SDK1: variants seen among roughly 807,000 people sequenced by gnomAD.
SDK1 encodes the protein protein sidekick-1.
Under a neutral mutation model 245.5 loss-of-function variants are expected in SDK1, and 157 were observed. The ratio of observed to expected loss-of-function variants is 0.64; its 90% confidence interval spans 0.56 to 0.73. The LOEUF is 0.73. SDK1 is among the 30% of genes least tolerant of loss of function. SDK1 has a pLI of 0.00. For missense variants in SDK1, 3,583 were observed against 3,002.3 expected (o/e 1.19, Z -4.52); for synonymous variants, 1,647 against 1,278.5 (o/e 1.29, Z -6.15).
At position 3,961,130 on chromosome 7, in the gene SDK1, G is replaced by A. The variant is rs139045717; in HGVS notation, c.1235-1527G>A. ...CAAATATAGAGACAACAGATCTTCC[G>A]ACATTGCACTGCTGTCATATAATTT... On this transcript the variant is annotated intron_variant, in intron 8 of 44. Transcript: ENST00000404826. Among the ~76,000 whole-genome samples, 45 of 152,330 alleles carry A rather than the reference G, an allele frequency of 3.0e-4. No homozygotes were observed. In the East Asian group the frequency reaches 3.1e-3, roughly 10 times the overall value.
intron 1 of SDK1, among the ~76,000 whole-genome samples, chr7:3,561,262 A>G (rs115755449): frequency 3.7e-4 from 57 of 152,274 alleles, no homozygotes; most frequent in African/African-American, 1.3e-3. Flanking sequence ...GTTGATCCCT[A>G]ACACCCTCAA....
chr7:3,441,790 C>G (rs1780204526), intron 1 of SDK1, among the ~76,000 whole-genome samples: 1 of 152,172 alleles, frequency 6.6e-6, no homozygotes, highest in African/African-American at 2.4e-5. Flanking sequence ...CTGAGTCTCT[C>G]ACATGTAAAA....
intron 5 of SDK1, among the ~76,000 whole-genome samples, chr7:3,838,984 C>G (rs890076002): frequency 9.9e-5 from 15 of 152,146 alleles, no homozygotes; most frequent in African/African-American, 3.6e-4. Flanking sequence ...CCTGTCTGCT[C>G]CCTACAAATA....
chr7:3,672,683 A>C (rs967427181), intron 4 of SDK1, among the ~76,000 whole-genome samples: 1 of 138,348 alleles, frequency 7.2e-6, no homozygotes, highest in Non-Finnish European at 1.5e-5. Flanking sequence ...ATTTGTTATT[A>C]AATAAAATTT....
intron 1 of SDK1, among the ~76,000 whole-genome samples, chr7:3,480,628 C>G (rs1360171775): frequency 2.6e-5 from 4 of 152,244 alleles, no homozygotes; most frequent in Non-Finnish European, 5.9e-5. Context: ...CTTTTAAAAG[C>G]TTCTCTTGTC....
chr7:4,102,307 G>A (rs1469018675), intron 22 of SDK1, among the ~76,000 whole-genome samples: 1 of 152,152 alleles, frequency 6.6e-6, no homozygotes, highest in African/African-American at 2.4e-5. Flanking sequence ...TGGCTGTGGT[G>A]GGCACGGGGA....
At chr7:4,140,628 G>A (rs944990512) in intron 28 of SDK1, among the ~76,000 whole-genome samples, 2 of 152,182 alleles carry the variant, frequency 1.3e-5, no homozygotes, top group African/African-American at 2.4e-5. Context: ...GCTCGATGCC[G>A]AGGGACCCCA....
intron 5 of SDK1, among the ~76,000 whole-genome samples, chr7:3,901,340 C>T (rs1317971269): frequency 1.3e-5 from 2 of 152,130 alleles, no homozygotes; most frequent in Non-Finnish European, 2.9e-5. Flanking sequence ...GCATGTGCCA[C>T]CACGCCCGGT....
intron 5 of SDK1, among the ~76,000 whole-genome samples, chr7:3,855,739 CA>C (rs1780530240): frequency 6.6e-6 from 1 of 152,076 alleles, no homozygotes; most frequent in Non-Finnish European, 1.5e-5. Context: ...GAGAAACAAA[CA>C]AAAAACTTAC....
In SDK1 at chr7:3,694,202, G is replaced by A. The variant is rs188814650; in HGVS notation, c.713+52097G>A. Among the ~76,000 whole-genome samples, 3 of 152,318 alleles carry A rather than the reference G, an allele frequency of 2.0e-5. No homozygotes were observed. The East Asian group carries it at 5.8e-4, about 29-fold the overall frequency. ...CTCCAAACTCGTATAGGAATACTAA[G>A]TTGTGCCCTGCCCACTGCATAAGAC... On this transcript the variant is annotated intron_variant, in intron 4 of 44. Coordinates refer to ENST00000404826, the MANE Select transcript of SDK1 (RefSeq NM_152744.4).
chr7:4,155,033 G>C (rs1307211564), intron 30 of SDK1, among the ~76,000 whole-genome samples: 1 of 151,984 alleles, frequency 6.6e-6, no homozygotes, highest in East Asian at 1.9e-4. Context: ...GCGCTGCAGG[G>C]AGGTGAGGCA....
chr7:3,857,338 A>G (rs950324021), intron 5 of SDK1, among the ~76,000 whole-genome samples: 71 of 152,176 alleles, frequency 4.7e-4, no homozygotes, highest in African/African-American at 1.7e-3. Context: ...TATAGATATT[A>G]GAAAAAGAGC....
intron 19 of SDK1, among the ~76,000 whole-genome samples, chr7:4,053,449 G>A (rs922294639): frequency 3.9e-5 from 6 of 151,904 alleles, no homozygotes; most frequent in Admixed American, 6.6e-5. Flanking sequence ...TCTTCATGGC[G>A]CTATTACTTC....
At chr7:3,895,073 A>G (rs1015769484) in intron 5 of SDK1, among the ~76,000 whole-genome samples, 4 of 152,176 alleles carry the variant, frequency 2.6e-5, no homozygotes, top group Admixed American at 6.5e-5. Context: ...CTTTTACTCA[A>G]TATGGTAAAA....
intron 4 of SDK1, among the ~76,000 whole-genome samples, chr7:3,722,146 C>A (rs1778829355): frequency 6.6e-6 from 1 of 152,086 alleles, no homozygotes; most frequent in Non-Finnish European, 1.5e-5. Context: ...TCCCAAAGTG[C>A]TGGAATTACA....
intron 4 of SDK1, among the ~76,000 whole-genome samples, chr7:3,668,066 C>G (rs922580577): frequency 6.6e-6 from 1 of 152,120 alleles, no homozygotes; most frequent in Non-Finnish European, 1.5e-5. Flanking sequence ...GCTTGCTATA[C>G]CTAACAAAAC....
intron 1 of SDK1, among the ~76,000 whole-genome samples, chr7:3,535,573 A>G (rs1180240718): frequency 1.3e-5 from 2 of 152,104 alleles, no homozygotes; most frequent in Non-Finnish European, 2.9e-5. Context: ...AAGTTTTCTC[A>G]GCTGTAAAGC....
chr7:3,599,212 C>G (rs903316364), intron 1 of SDK1, among the ~76,000 whole-genome samples: 1 of 148,502 alleles, frequency 6.7e-6, no homozygotes, highest in Non-Finnish European at 1.5e-5. Flanking sequence ...TTGCGATTCT[C>G]TAATCGTTAA....
intron 1 of SDK1, among the ~76,000 whole-genome samples, chr7:3,370,758 G>A (rs576728854): frequency 6.6e-6 from 1 of 152,286 alleles, no homozygotes; most frequent in African/African-American, 2.4e-5. Flanking sequence ...GCCCCACGCT[G>A]GGTAGGACAT....
Sources: gnomAD v4.1 joint callset for allele counts (sites outside exome capture counted in the v4.1 genomes callset) on GRCh38, gnomAD v4.1.1 for gene constraint, MANE v1.5 for transcripts, NCBI Gene and HGNC (gene_info 2026-07-23, HGNC 2026-07-21) for gene names.